The following HAS1 variants were observed in gnomAD, a reference collection of about 807,000 sequenced individuals.
The protein encoded by HAS1 is hyaluronan synthase 1, also known as HA synthase 1.
A neutral mutation model predicts 35.0 loss-of-function variants in HAS1; 27 were observed. That is an observed-to-expected ratio of 0.77 (90% CI 0.57 to 1.06). The LOEUF (loss-of-function observed/expected upper bound fraction) is 1.06. Among genes scored for constraint, HAS1 ranks in the 50% least tolerant of loss-of-function variants. The pLI, the probability that HAS1 is intolerant of heterozygous loss-of-function variation, is 0.00. For synonymous variants in HAS1, 409 were observed against 371.2 expected (o/e 1.10, Z -1.17); for missense variants, 940 against 814.8 (o/e 1.15, Z -1.87).
intron 4 of HAS1, 92 bp from the exon 5 acceptor site, chr19:51,714,194 C>T (rs2083567865): frequency 6.5e-7 from 1 of 1,527,016 alleles, no homozygotes; most frequent in African/African-American, 1.4e-5. Flanking sequence ...TGGACGGCCA[C>T]TGGGGGCGAG....
chr19:51,717,562 A>G (rs1325332489), intron 2 of HAS1, among the ~76,000 whole-genome samples: 1 of 152,204 alleles, frequency 6.6e-6, no homozygotes, highest in Non-Finnish European at 1.5e-5. Context: ...TCTCTTGACT[A>G]TAAGTTAATC....
chr19:51,723,917 A>ACACG lies in HAS1; in HGVS notation c.9+7_9+8insCGTG. ...CACACACACACACACACACACACAC[A>ACACG]CACACACCTGTCTCATCGCAGTGGG... On this transcript the variant is annotated splice_region_variant and intron_variant, in intron 1 of 4. Coordinates refer to ENST00000540069, the MANE Select transcript of HAS1 (RefSeq NM_001297436.2). 1 of 1,521,122 alleles carries ACACG rather than the reference A, an allele frequency of 6.6e-7. No homozygotes were observed. Among genetic ancestry groups the ACACG allele is most frequent in the Non-Finnish European group, 8.8e-7 (1 of 1,133,036 alleles). The allele number at this position is 1,521,122 out of a possible 1,614,324, so 94.2% of individuals were successfully genotyped here.
chr19:51,713,514 G>C lies in HAS1; in HGVS notation c.1647C>G (p.Gly549=). 2.5e-6 allele frequency: 4 copies of C among 1,604,902 alleles called. No individual in the cohort carries two copies. The highest frequency in any genetic ancestry group is 1.7e-6 in the Non-Finnish European group (2 of 1,176,520). Residue 549 remains glycine, a synonymous_variant, in exon 5 of 5, where the codon GGC becomes GGG. Coordinates refer to ENST00000540069, the MANE Select transcript of HAS1 (RefSeq NM_001297436.2). This position sits in a 1 kb window ranked among gnomAD's most constrained non-coding sequence, Gnocchi z 4.5. ...ACAGCGTCAACATGGCCACCCAGTA[G>C]CCCACGTAGGCGCCGGCCCCCGCGG... ...HLAAGAGAYV[G]YWVAMLTLYW...
rs1470025626 is a variant in HAS1 at position 51,717,022 on chromosome 19, C to G, written c.871G>C (p.Glu291Gln). ...SLRYWVAFNVERACQSYFHCV... is the reference protein window; with the variant it reads ...SLRYWVAFNVQRACQSYFHCV... ...TGGAAGTAGCTCTGACAAGCCCGCTCCACATTGAAGGCTACCCAGTATCGC... is the reference window on the plus strand; with the variant it reads ...TGGAAGTAGCTCTGACAAGCCCGCTGCACATTGAAGGCTACCCAGTATCGC... The change falls in exon 3 of 5, where the codon GAG becomes CAG. Residue 291 changes from glutamate (E) to glutamine (Q), a missense_variant. Physicochemically the swap from Glu to Gln is conservative, Grantham distance 29 (BLOSUM62 2). Transcript: ENST00000540069. 3 of 1,614,048 alleles carry G rather than the reference C, an allele frequency of 1.9e-6. No homozygotes were observed. The highest frequency in any genetic ancestry group is 2.5e-6 in the Non-Finnish European group (3 of 1,180,022).
chr19:51,713,978 G>C lies in HAS1; in HGVS notation c.1183C>G (p.Arg395Gly). Residue 395 changes from arginine (R) to glycine (G), a missense_variant, in exon 5 of 5, where the codon CGG (arginine) becomes GGG (glycine). Physicochemically the swap from Arg to Gly is moderately radical, Grantham distance 125. Coordinates refer to ENST00000540069, the MANE Select transcript of HAS1 (RefSeq NM_001297436.2). The surrounding 1 kb of genome is among the most constrained non-coding windows in gnomAD (Gnocchi z 4.5). ...EWLYNALWWH[R>G]HHAWMTYEAV... ...TCGTAGGTCATCCACGCATGGTGCC[G>C]GTGCCACCAGAGCGCGTTGTACAGC... is the stretch of plus-strand genomic sequence containing the variant. 1 of 1,613,268 alleles carries C rather than the reference G, an allele frequency of 6.2e-7. No homozygotes were observed.
intron 2 of HAS1, among the ~76,000 whole-genome samples, chr19:51,717,748 C>A (rs1325584583): frequency 6.6e-6 from 1 of 152,068 alleles, no homozygotes; most frequent in Admixed American, 6.6e-5. Context: ...TGAAAGATAA[C>A]CCCAAGCCTT....
In HAS1 at chr19:51,713,446, C is replaced by T. The variant is rs575227050; in HGVS notation, c.1715G>A (p.Gly572Asp). ...CTGGACTCACACCTGGACGCGGTAG[C>T]CCCCGGTCCGCCGCCGGCAAAGCCT... ...VRRLCRRRTG[G>D]YRVQV The change falls in exon 5 of 5, where the codon GGC becomes GAC. Residue 572 changes from glycine (G) to aspartate (D), a missense_variant. Transcript: ENST00000540069. The surrounding 1 kb of genome is among the most constrained non-coding windows in gnomAD (Gnocchi z 4.5). The T allele has an allele frequency of 2.0e-4, 312 of 1,538,536 alleles. 1 individual carries two copies. The highest frequency in any genetic ancestry group is 1.1e-3 in the Middle Eastern group (6 of 5,668).
At position 51,713,116 on chromosome 19, in the gene HAS1, A is replaced by G. The variant is rs1227652721; in HGVS notation, c.*311T>C. 1 of 316,484 alleles carries G rather than the reference A, an allele frequency of 3.2e-6. No homozygotes were observed. The allele number at this position is 316,484 out of a possible 1,614,324, so 19.6% of individuals were successfully genotyped here. On this transcript the variant is annotated 3_prime_UTR_variant, in exon 5 of 5. Coordinates refer to ENST00000540069, the MANE Select transcript of HAS1 (RefSeq NM_001297436.2). This position sits in a 1 kb window ranked among gnomAD's most constrained non-coding sequence, Gnocchi z 4.5. ...TCAAAAAGGTGGAGGCTGGGGGAAAATAAATAAAATTCTTTATTACATCCT... is the reference window on the plus strand; with the variant it reads ...TCAAAAAGGTGGAGGCTGGGGGAAAGTAAATAAAATTCTTTATTACATCCT...
At chr19:51,719,091 T>C (rs1034244921) in intron 2 of HAS1, 115 bp downstream of exon 2, 2 of 595,854 alleles carry the variant, frequency 3.4e-6, no homozygotes, top group Non-Finnish European at 5.7e-6. Flanking sequence ...ACTGCATGGA[T>C]GAAAGAATAA....
At chr19:51,722,371 T>C (rs2083637244) in intron 1 of HAS1, among the ~76,000 whole-genome samples, 1 of 152,214 alleles carries the variant, frequency 6.6e-6, no homozygotes, top group Admixed American at 6.5e-5. Flanking sequence ...ACAGATTAGG[T>C]ATTTCCAGTG....
chr19:51,713,531 C>G lies in HAS1; in HGVS notation c.1630G>C (p.Ala544Pro), dbSNP rs754405233. Residue 544 changes from alanine (A) to proline (P), a missense_variant, in exon 5 of 5, where the codon GCC (alanine) becomes CCC (proline). Transcript: ENST00000540069. The surrounding 1 kb of genome is among the most constrained non-coding windows in gnomAD (Gnocchi z 4.5). The stretch of plus-strand genomic sequence containing the variant: ...ACCCAGTAGCCCACGTAGGCGCCGG[C>G]CCCCGCGGCCAAGTGGTAGGCCTCG... ...AAEAYHLAAG[A>P]GAYVGYWVAM... 2 of 1,594,152 alleles carry G rather than the reference C, an allele frequency of 1.3e-6. No homozygotes were observed. Among genetic ancestry groups the G allele is most frequent in the South Asian group, 2.2e-5 (2 of 89,162 alleles).
intron 4 of HAS1, among the ~76,000 whole-genome samples, chr19:51,714,523 T>TAAA (rs1192483861): frequency 0.045 from 3,898 of 85,762 alleles, 135 homozygotes; most frequent in African/African-American, 0.068. Context: ...ACCCCATCTC[T>TAAA]AAAAAAAAAA....
Position 51,716,343 on chromosome 19 carries a change from T to C in HAS1, c.971A>G (p.Tyr324Cys). The change falls in exon 4 of 5, where the codon TAC (tyrosine) becomes TGC (cysteine). Residue 324 changes from tyrosine to cysteine, a missense_variant. By Grantham distance (194) the Tyr-to-Cys change is radical. Coordinates refer to ENST00000540069, the MANE Select transcript of HAS1 (RefSeq NM_001297436.2). The stretch of plus-strand genomic sequence containing the variant: ...GTGGGTACCCAGGAACTTCTGGTTG[T>C]ACCAGGCCTCAAGAAACTGCTGCAA... ...NLLQQFLEAWYNQKFLGTHCT... is the reference protein window; with the variant it reads ...NLLQQFLEAWCNQKFLGTHCT... The C allele has an allele frequency of 1.2e-6, 2 of 1,613,774 alleles. No homozygotes were observed. The highest frequency in any genetic ancestry group is 1.7e-6 in the Non-Finnish European group (2 of 1,179,730).
At chr19:51,717,656 G>A (rs1426107090) in intron 2 of HAS1, among the ~76,000 whole-genome samples, 1 of 152,182 alleles carries the variant, frequency 6.6e-6, no homozygotes. Flanking sequence ...CTCCTTGCTG[G>A]CCTTGAAGAG....
At chr19:51,714,578 C>T in intron 4 of HAS1, among the ~76,000 whole-genome samples, 1 of 145,132 alleles carries the variant, frequency 6.9e-6, no homozygotes, top group Non-Finnish European at 1.5e-5. Context: ...GTAGTCCCAG[C>T]TATTTGGGAG....
intron 1 of HAS1, among the ~76,000 whole-genome samples, 184 bp downstream of exon 1, chr19:51,723,741 C>T (rs1215273581): frequency 6.6e-6 from 1 of 152,152 alleles, no homozygotes; most frequent in Non-Finnish European, 1.5e-5. Context: ...CACAGACCTG[C>T]ACACTCAGCC....
At chr19:51,721,068 G>A (rs769654539) in intron 1 of HAS1, among the ~76,000 whole-genome samples, 5 of 152,118 alleles carry the variant, frequency 3.3e-5, no homozygotes, top group African/African-American at 7.2e-5. Context: ...TATTATCCCC[G>A]TTGTACAGAT....
chr19:51,722,660 G>C (rs2083639049), intron 1 of HAS1, among the ~76,000 whole-genome samples: 4 of 152,104 alleles, frequency 2.6e-5, no homozygotes, highest in African/African-American at 9.7e-5. Flanking sequence ...TGTCCTTAAA[G>C]GAAGTTTTAT....
In HAS1 at chr19:51,719,276, C is replaced by A. The variant is rs769387541; in HGVS notation, c.629G>T (p.Arg210Leu). The A allele has an allele frequency of 1.2e-6, 2 of 1,611,026 alleles. No homozygotes were observed. The highest frequency in any genetic ancestry group is 1.3e-5 in the African/African-American group (1 of 74,550). ...CATGACCTCGCGCTTGCCGCCCCAGCGCTGCGCCACGCACACGCACCTGCG... is the reference window on the plus strand; with the variant it reads ...CATGACCTCGCGCTTGCCGCCCCAGAGCTGCGCCACGCACACGCACCTGCG... Reference protein sequence around the residue: ...RTRRCVCVAQRWGGKREVMYT... With the variant: ...RTRRCVCVAQLWGGKREVMYT... Residue 210 changes from arginine (R) to leucine (L), a missense_variant, in exon 2 of 5, where the codon CGC (arginine) becomes CTC (leucine). Physicochemically the swap from Arg to Leu is moderately radical, Grantham distance 102. Transcript: ENST00000540069.
Sources: gnomAD v4.1 joint callset for allele counts (sites outside exome capture counted in the v4.1 genomes callset) on GRCh38, gnomAD v4.1.1 for gene constraint, Gnocchi (gnomAD v3.1) non-coding constraint, MANE v1.5 for transcripts, NCBI Gene and HGNC (gene_info 2026-07-23, HGNC 2026-07-21) for gene names.